The following JAK2 variants were observed in gnomAD, a reference collection of about 807,000 sequenced individuals.
JAK2 encodes Janus kinase 2.
Under a neutral mutation model 139.3 loss-of-function variants are expected in JAK2, and 86 were observed. The observed-to-expected ratio is 0.62, with a 90% CI of 0.52 to 0.74. The LOEUF is 0.74. Ranked by LOEUF, JAK2 falls within the 30% of genes least tolerant of loss-of-function variation. JAK2 has a pLI of 0.00. For synonymous variants in JAK2, 490 were observed against 437.7 expected, an observed-to-expected ratio of 1.12 and a Z score of -1.49; for missense variants, 1,421 against 1,360.3, an observed-to-expected ratio of 1.04 and a Z score of -0.70.
intron 4 of JAK2, chr9:5,041,248 C>T: frequency 8.3e-6 from 12 of 1,446,682 alleles, no homozygotes; most frequent in Non-Finnish European, 1.1e-5. Context: ...GGCAGCACGC[C>T]ATCCACATCA....
intron 3 of JAK2, among the ~76,000 whole-genome samples, chr9:5,028,261 C>T (rs1168433456): frequency 6.6e-6 from 1 of 152,170 alleles, no homozygotes; most frequent in Non-Finnish European, 1.5e-5. Context: ...TCTTGGGTGA[C>T]CAGGTGCATT....
rs934205615 is a variant in JAK2, at chr9:5,036,096, CAGAG to C, written c.350+6193_350+6196del. Among the ~76,000 whole-genome samples, 4 of 152,290 alleles carry C rather than the reference CAGAG, an allele frequency of 2.6e-5. No individual in the cohort carries two copies. The East Asian group carries it at 5.8e-4, about 22-fold the overall frequency. Reference sequence around the variant, plus strand: ...TTCTTACCCACCAATAACAGACAAACAGAGAGCCAAATCATGAGTGAACTCCCAT... The same window carrying C: ...TTCTTACCCACCAATAACAGACAAACAGCCAAATCATGAGTGAACTCCCAT... On this transcript the variant is annotated intron_variant, in intron 4 of 24. Transcript: ENST00000381652.
intron 19 of JAK2, among the ~76,000 whole-genome samples, chr9:5,087,252 C>A (rs1447441237): frequency 6.6e-6 from 1 of 152,188 alleles, no homozygotes; most frequent in Non-Finnish European, 1.5e-5. Flanking sequence ...TGGCAGAAGG[C>A]ACCTCTTCAC....
chr9:5,112,467 G>A (rs918395977), intron 22 of JAK2: 5 of 548,226 alleles, frequency 9.1e-6, no homozygotes, highest in African/African-American at 5.9e-5. Context: ...AGGACCCCCG[G>A]GACCGGACCA....
chr9:5,039,928 C>T (rs1816359083), intron 4 of JAK2, among the ~76,000 whole-genome samples: 1 of 152,090 alleles, frequency 6.6e-6, no homozygotes, highest in South Asian at 2.1e-4. Context: ...TACTGAATTC[C>T]TAAATGTCTT....
chr9:5,057,639 A>C (rs912456094), intron 8 of JAK2, among the ~76,000 whole-genome samples: 1 of 145,476 alleles, frequency 6.9e-6, no homozygotes, highest in Non-Finnish European at 1.5e-5. Context: ...CTGGAGCACA[A>C]TGGCGCGATC....
intron 2 of JAK2, among the ~76,000 whole-genome samples, chr9:4,989,126 T>C (rs1256635282): frequency 1.3e-5 from 2 of 152,186 alleles, no homozygotes; most frequent in African/African-American, 4.8e-5. Flanking sequence ...TTCTACTTAT[T>C]AAATTTTCCT....
chr9:5,110,856 A>C (rs1822431018), intron 22 of JAK2: 8 of 482,378 alleles, frequency 1.7e-5, no homozygotes, highest in Non-Finnish European at 3.2e-5. Flanking sequence ...GGGACGCTTC[A>C]TGCCGCCGCG....
At position 5,054,482 on chromosome 9, in the gene JAK2, G is replaced by C. The variant is rs868319735; in HGVS notation, c.615-81G>C. On this transcript the variant is annotated intron_variant, in intron 6 of 24. Transcript: ENST00000381652. The surrounding 1 kb of genome is among the most constrained non-coding windows in gnomAD (Gnocchi z 4.9). ...GCCTACTTAATCATGGAAAAAGGTG[G>C]TAACTTCTTTTTCAATTTTTAGATT... 3.9e-5 allele frequency: 47 copies of C among 1,203,380 alleles called. No individual in the cohort carries two copies. The Middle Eastern group carries it at 9.1e-4, about 23-fold the overall frequency. The allele number at this position is 1,203,380 out of a possible 1,614,324, so 74.5% of individuals were successfully genotyped here. A position where few individuals can be genotyped will look rare whatever the true frequency, so the allele number is the denominator to read the frequency against.
At chr9:5,069,884 A>C (rs1210805916) in intron 11 of JAK2, 41 bp from the exon 12 acceptor site, 2 of 1,345,580 alleles carry the variant, frequency 1.5e-6, no homozygotes, top group East Asian at 2.4e-5. Context: ...TCATACTTTC[A>C]GTGTATTTTG....
At chr9:5,056,729 A>G (rs1025917335) in intron 8 of JAK2, among the ~76,000 whole-genome samples, 4 of 152,210 alleles carry the variant, frequency 2.6e-5, no homozygotes, top group Admixed American at 1.3e-4. Flanking sequence ...ACAATTATCA[A>G]CCTCAATGTG....
intron 19 of JAK2, chr9:5,086,109 G>T (rs1271490673): frequency 2.1e-6 from 1 of 480,058 alleles, no homozygotes; most frequent in South Asian, 2.4e-5. Flanking sequence ...AGCCTGCGCG[G>T]GCATCGGCAG....
intron 22 of JAK2, chr9:5,094,018 G>C (rs1563998190): frequency 6.6e-6 from 1 of 152,018 alleles, no homozygotes; most frequent in Non-Finnish European, 1.5e-5. Flanking sequence ...CCAAGAACAG[G>C]GTTTCTTAAG....
intron 2 of JAK2, among the ~76,000 whole-genome samples, chr9:5,015,426 T>G (rs1484138510): frequency 6.6e-6 from 1 of 152,218 alleles, no homozygotes; most frequent in Non-Finnish European, 1.5e-5. Context: ...AGTTGACATA[T>G]GCACAAATGG....
intron 5 of JAK2, among the ~76,000 whole-genome samples, chr9:5,046,095 T>C (rs1398167330): frequency 3.3e-5 from 5 of 152,184 alleles, no homozygotes; most frequent in Admixed American, 6.5e-5. Context: ...GGTGGTATCA[T>C]TGTGATTTTG....
At chr9:5,089,121 T>C (rs1820357081) in intron 19 of JAK2, among the ~76,000 whole-genome samples, 1 of 152,254 alleles carries the variant, frequency 6.6e-6, no homozygotes. Context: ...TTAAATGCTT[T>C]TTTGAAGTAA....
chr9:5,069,436 A>C (rs1385551987), intron 11 of JAK2, among the ~76,000 whole-genome samples: 1 of 152,160 alleles, frequency 6.6e-6, no homozygotes, highest in Non-Finnish European at 1.5e-5. Context: ...TTTTAAACAT[A>C]ATGTGTGGTA....
At chr9:5,014,858 C>T (rs913107766) in intron 2 of JAK2, among the ~76,000 whole-genome samples, 1 of 152,050 alleles carries the variant, frequency 6.6e-6, no homozygotes, top group Admixed American at 6.6e-5. Context: ...TAGCTATTCT[C>T]CTGTCTATCT....
At chr9:5,110,531 T>A (rs909589346) in intron 22 of JAK2, 1 of 156,554 alleles carries the variant, frequency 6.4e-6, no homozygotes, top group South Asian at 2.0e-4. Context: ...AACAAGATAT[T>A]TGAAAAATAG....
Sources: gnomAD v4.1 joint callset for allele counts (sites outside exome capture counted in the v4.1 genomes callset) on GRCh38, gnomAD v4.1.1 for gene constraint, Gnocchi (gnomAD v3.1) non-coding constraint, MANE v1.5 for transcripts, NCBI Gene and HGNC (gene_info 2026-07-23, HGNC 2026-07-21) for gene names.